The following SPOCK3 variants were observed in gnomAD, a reference collection of about 807,000 sequenced individuals.
SPOCK3 encodes testican-3.
SPOCK3 carries 30 observed loss-of-function variants against 56.6 expected under a neutral mutation model. The observed-to-expected ratio is 0.53, with a 90% CI of 0.40 to 0.72. SPOCK3 has a LOEUF of 0.72. Ranked by LOEUF, SPOCK3 falls within the 30% of genes least tolerant of loss-of-function variation. SPOCK3 has a pLI of 0.00. For missense variants in SPOCK3, 527 were observed against 530.0 expected (o/e 0.99, Z 0.06); for synonymous variants, 196 against 183.3 (o/e 1.07, Z -0.56).
chr4:167,055,191 CT>C (rs1372703806), intron 3 of SPOCK3, among the ~76,000 whole-genome samples: 8 of 151,960 alleles, frequency 5.3e-5, no homozygotes, highest in Non-Finnish European at 1.2e-4. Flanking sequence ...TTATAGTGAT[CT>C]AATATGGATG....
At chr4:167,134,515 T>G (rs1404362912) in intron 2 of SPOCK3, among the ~76,000 whole-genome samples, 1 of 152,176 alleles carries the variant, frequency 6.6e-6, no homozygotes, top group African/African-American at 2.4e-5. Context: ...GCATGAAAAC[T>G]GTCTGGGTAG....
chr4:166,988,058 T>C (rs985191345), intron 4 of SPOCK3, among the ~76,000 whole-genome samples: 4 of 151,998 alleles, frequency 2.6e-5, no homozygotes, highest in African/African-American at 7.2e-5. Flanking sequence ...AGCTAACAGA[T>C]ACAGAAAGAT....
intron 6 of SPOCK3, among the ~76,000 whole-genome samples, chr4:166,854,032 C>T (rs1022708509): frequency 6.6e-6 from 1 of 152,100 alleles, no homozygotes; most frequent in African/African-American, 2.4e-5. Flanking sequence ...TTCTGATATT[C>T]TATGATTTTT....
At chr4:166,870,334 C>T (rs998366662) in intron 6 of SPOCK3, among the ~76,000 whole-genome samples, 2 of 151,878 alleles carry the variant, frequency 1.3e-5, no homozygotes, top group Admixed American at 6.6e-5. Flanking sequence ...GTAAGTGTAT[C>T]GGGGACCTAA....
chr4:167,222,577 C>T (rs1736054634), intron 2 of SPOCK3, among the ~76,000 whole-genome samples: 1 of 135,774 alleles, frequency 7.4e-6, no homozygotes, highest in Non-Finnish European at 1.6e-5. Context: ...GTTATAGATT[C>T]ATATATGAAT....
rs377743654 is a variant in SPOCK3 at position 167,191,032 on chromosome 4, G to A, written c.189+42953C>T. Among the ~76,000 whole-genome samples, 46 of 145,626 alleles carry A rather than the reference G, an allele frequency of 3.2e-4. 6 individuals are homozygous for A. The South Asian group carries it at 9.6e-3, about 30-fold the overall frequency. On this transcript the variant is annotated intron_variant, in intron 2 of 10. Coordinates refer to ENST00000357545, the MANE Select transcript of SPOCK3 (RefSeq NM_001040159.2). Reference sequence around the variant, plus strand: ...GTTTCGATTACTATAGCTTTGCTTTGTAGTATATTTTGAAATCAGGAAGTG... The same window carrying A: ...GTTTCGATTACTATAGCTTTGCTTTATAGTATATTTTGAAATCAGGAAGTG...
chr4:167,096,606 T>C (rs1255575436), intron 2 of SPOCK3, among the ~76,000 whole-genome samples: 1 of 151,904 alleles, frequency 6.6e-6, no homozygotes, highest in Non-Finnish European at 1.5e-5. Context: ...AATTCTGTTA[T>C]ACTCTGAGAA....
At chr4:166,942,032 AAT>A (rs1741125518) in intron 4 of SPOCK3, among the ~76,000 whole-genome samples, 1 of 152,108 alleles carries the variant, frequency 6.6e-6, no homozygotes, top group East Asian at 1.9e-4. Flanking sequence ...GTTATACAGA[AAT>A]AAAAAAAACT....
At chr4:167,111,611 G>A (rs570150158) in intron 2 of SPOCK3, among the ~76,000 whole-genome samples, 2 of 152,066 alleles carry the variant, frequency 1.3e-5, no homozygotes, top group Non-Finnish European at 2.9e-5. Context: ...GTGCGAATAT[G>A]CAATGTCATT....
At chr4:166,917,164 T>C (rs909755618) in intron 4 of SPOCK3, among the ~76,000 whole-genome samples, 4 of 152,190 alleles carry the variant, frequency 2.6e-5, no homozygotes, top group South Asian at 2.1e-4. Context: ...ATATTTGCAT[T>C]ACAATGTCAA....
At chr4:167,135,680 C>CGTGTGTGT (rs57918767) in intron 2 of SPOCK3, among the ~76,000 whole-genome samples, 2,091 of 147,730 alleles carry the variant, frequency 0.014, 29 homozygotes, top group African/African-American at 0.03. Context: ...CTATATAAAA[C>CGTGTGTGT]GTGTGTGTGT....
chr4:166,806,142 A>G (rs534947654), intron 6 of SPOCK3, among the ~76,000 whole-genome samples: 2 of 152,242 alleles, frequency 1.3e-5, no homozygotes, highest in East Asian at 3.9e-4. Flanking sequence ...ATTGCTATTT[A>G]AATTTCATGT....
intron 6 of SPOCK3, among the ~76,000 whole-genome samples, chr4:166,862,784 A>G (rs1731376526): frequency 6.6e-6 from 1 of 152,004 alleles, no homozygotes; most frequent in East Asian, 1.9e-4. Context: ...AGCATTTACT[A>G]TTTATCACAT....
chr4:167,203,432 T>C (rs950345344), intron 2 of SPOCK3, among the ~76,000 whole-genome samples: 48 of 151,986 alleles, frequency 3.2e-4, no homozygotes, highest in Non-Finnish European at 1.6e-4. Flanking sequence ...TCTGTTAAAG[T>C]GCTAAAAATA....
intron 2 of SPOCK3, among the ~76,000 whole-genome samples, chr4:167,156,173 G>A (rs528362549): frequency 1.3e-5 from 2 of 152,246 alleles, no homozygotes; most frequent in South Asian, 4.1e-4. Context: ...ACAATTGTGT[G>A]TTCTGTTTTA....
At chr4:167,102,709 C>T (rs1048593042) in intron 2 of SPOCK3, among the ~76,000 whole-genome samples, 10 of 151,968 alleles carry the variant, frequency 6.6e-5, no homozygotes, top group Non-Finnish European at 1.0e-4. Context: ...CCACTCCTAG[C>T]TAGAGGAGAA....
intron 6 of SPOCK3, among the ~76,000 whole-genome samples, chr4:166,844,780 C>T (rs1373281040): frequency 6.6e-6 from 1 of 152,156 alleles, no homozygotes; most frequent in Non-Finnish European, 1.5e-5. Flanking sequence ...ATCTATCTAC[C>T]TGCCTACCTA....
At chr4:167,016,256 T>G (rs1404133949) in intron 3 of SPOCK3, among the ~76,000 whole-genome samples, 1 of 152,038 alleles carries the variant, frequency 6.6e-6, no homozygotes, top group Non-Finnish European at 1.5e-5. Context: ...ATTAAGCTAT[T>G]GGAGAATAAA....
chr4:167,034,560 T>C (rs1044434578), intron 3 of SPOCK3, among the ~76,000 whole-genome samples: 1 of 152,122 alleles, frequency 6.6e-6, no homozygotes, highest in Non-Finnish European at 1.5e-5. Context: ...ATTTCATTTT[T>C]ATCAGCTCAG....
Sources: gnomAD v4.1 joint callset for allele counts (sites outside exome capture counted in the v4.1 genomes callset) on GRCh38, gnomAD v4.1.1 for gene constraint, MANE v1.5 for transcripts, NCBI Gene and HGNC (gene_info 2026-07-23, HGNC 2026-07-21) for gene names.